ANK2: variants seen among roughly 807,000 people sequenced by gnomAD.
ANK2 encodes the protein ankyrin-2.
ANK2 carries 83 observed loss-of-function variants against 360.5 expected under a neutral mutation model. That is an observed-to-expected ratio of 0.23 (90% CI 0.19 to 0.28). ANK2 has a LOEUF of 0.28. Among genes scored for constraint, ANK2 ranks in the 10% least tolerant of loss-of-function variants. The pLI, the probability that ANK2 is intolerant of heterozygous loss-of-function variation, is 1.00. For synonymous variants in ANK2, 1,740 were observed against 1,759.5 expected (o/e 0.99, Z 0.28); for missense variants, 4,201 against 4,795.7 (o/e 0.88, Z 3.66).
chr4:112,710,145 CTG>C, the ANK2 span, among the ~76,000 whole-genome samples: 1 of 152,180 alleles, frequency 6.6e-6, no homozygotes, highest in East Asian at 1.9e-4. Flanking sequence ...TTTAGAGAAA[CTG>C]AGCTACATAC....
chr4:113,029,445 G>A (rs1311911792), intron 2 of ANK2, among the ~76,000 whole-genome samples: 3 of 151,982 alleles, frequency 2.0e-5, no homozygotes, highest in Non-Finnish European at 4.4e-5. Context: ...GGGTCTTGCT[G>A]TGTTGCCCAT....
intron 22 of ANK2, among the ~76,000 whole-genome samples, chr4:113,296,737 A>G (rs2071708478): frequency 6.6e-6 from 1 of 152,220 alleles, no homozygotes; most frequent in African/African-American, 2.4e-5. Context: ...CATGTTTGCC[A>G]GAATGGATAT....
the ANK2 span, among the ~76,000 whole-genome samples, chr4:112,795,874 C>T: frequency 6.6e-5 from 10 of 151,340 alleles, no homozygotes; most frequent in Non-Finnish European, 1.5e-4. Context: ...TCATGGCTCA[C>T]TGCATCCTCA....
intron 22 of ANK2, among the ~76,000 whole-genome samples, chr4:113,301,695 T>A (rs2075112140): frequency 6.6e-6 from 1 of 152,032 alleles, no homozygotes; most frequent in African/African-American, 2.4e-5. Flanking sequence ...CTTCTGTGAG[T>A]TTTTTAGATT....
chr4:112,891,447 G>A (rs1019292464), intron 1 of ANK2, among the ~76,000 whole-genome samples: 5 of 152,104 alleles, frequency 3.3e-5, no homozygotes, highest in African/African-American at 1.2e-4. Flanking sequence ...TAAAAGGAGT[G>A]CTATTAATTA....
At chr4:112,791,771 G>A in the ANK2 span, among the ~76,000 whole-genome samples, 8 of 151,838 alleles carry the variant, frequency 5.3e-5, no homozygotes, top group South Asian at 6.2e-4. Context: ...GATTACAGGC[G>A]TGAGCCACCG....
the ANK2 span, chr4:112,738,832 T>C: frequency 1.6e-6 from 1 of 634,322 alleles, no homozygotes; most frequent in South Asian, 1.4e-5. Flanking sequence ...GCCCAGATCT[T>C]GATGCCCAAC....
chr4:113,222,434 T>G (rs564868715), intron 4 of ANK2, among the ~76,000 whole-genome samples: 21 of 149,494 alleles, frequency 1.4e-4, no homozygotes, highest in African/African-American at 4.7e-4. Context: ...TCTTGCTTTC[T>G]CATTCAGGCT....
chr4:112,949,258 C>G (rs1351183041), intron 2 of ANK2, among the ~76,000 whole-genome samples: 1 of 152,122 alleles, frequency 6.6e-6, no homozygotes, highest in Non-Finnish European at 1.5e-5. Flanking sequence ...TTCACTTGGT[C>G]CCTTCTTTTC....
chr4:113,369,187 T>C (rs1446911498), intron 42 of ANK2, among the ~76,000 whole-genome samples: 1 of 152,208 alleles, frequency 6.6e-6, no homozygotes, highest in Non-Finnish European at 1.5e-5. Context: ...CCTCGCATCC[T>C]CAATATCACC....
intron 2 of ANK2, among the ~76,000 whole-genome samples, chr4:112,973,009 G>T (rs75791514): frequency 0.02 from 3,097 of 152,090 alleles, 89 homozygotes; most frequent in African/African-American, 0.06. Context: ...TGGGCTTTAG[G>T]GGCTTGAGGG....
At chr4:112,859,736 C>T (rs1560823129) in intron 1 of ANK2, among the ~76,000 whole-genome samples, 1 of 152,240 alleles carries the variant, frequency 6.6e-6, no homozygotes, top group Non-Finnish European at 1.5e-5. Flanking sequence ...ACCCAAGCCA[C>T]AGCTTCTGTC....
the ANK2 span, among the ~76,000 whole-genome samples, chr4:112,757,204 C>T: frequency 6.6e-6 from 1 of 151,266 alleles, no homozygotes; most frequent in African/African-American, 2.4e-5. Context: ...CCTCCGCTTC[C>T]CGGGTTTGAG....
intron 2 of ANK2, among the ~76,000 whole-genome samples, chr4:112,938,780 GT>G (rs1408277582): frequency 1.3e-5 from 2 of 152,102 alleles, no homozygotes; most frequent in Non-Finnish European, 2.9e-5. Flanking sequence ...TAAGACATGG[GT>G]CTGTTTACCA....
chr4:112,799,990 C>A, the ANK2 span, among the ~76,000 whole-genome samples: 5 of 152,132 alleles, frequency 3.3e-5, no homozygotes, highest in African/African-American at 1.2e-4. Flanking sequence ...AATCCACACA[C>A]CACATGTAAA....
intron 24 of ANK2, among the ~76,000 whole-genome samples, chr4:113,315,768 A>G (rs367834057): frequency 0.01 from 1,537 of 151,928 alleles, 9 homozygotes; most frequent in South Asian, 0.012. Context: ...GCGTGGTGGC[A>G]GGCGCCTGTA....
chr4:112,811,222 C>A, the ANK2 span, among the ~76,000 whole-genome samples: 1 of 152,076 alleles, frequency 6.6e-6, no homozygotes, highest in Non-Finnish European at 1.5e-5. Flanking sequence ...CAGGCGTGAG[C>A]CACCGCGCCC....
chr4:112,826,336 C>T (rs2058399065), intron 1 of ANK2: 5 of 892,732 alleles, frequency 5.6e-6, no homozygotes, highest in South Asian at 4.7e-5. Context: ...CCACTTGTGA[C>T]ATCTGTACCA....
At chr4:113,282,989 T>G in intron 18 of ANK2, 117 bp downstream of exon 18, 1 of 1,148,798 alleles carries the variant, frequency 8.7e-7, no homozygotes, top group Non-Finnish European at 1.3e-6. Context: ...AGGGATATCT[T>G]ACAGACCCCA....
Sources: gnomAD v4.1 joint callset for allele counts (sites outside exome capture counted in the v4.1 genomes callset) on GRCh38, gnomAD v4.1.1 for gene constraint, MANE v1.5 for transcripts, NCBI Gene and HGNC (gene_info 2026-07-23, HGNC 2026-07-21) for gene names.